CPNE3: variants seen among roughly 807,000 people sequenced by gnomAD.
CPNE3 encodes the protein copine 3.
CPNE3 carries 68 observed loss-of-function variants against 63.9 expected under a neutral mutation model. The ratio of observed to expected loss-of-function variants is 1.06; its 90% CI spans 0.87 to 1.30. The LOEUF (loss-of-function observed/expected upper bound fraction) is 1.30, where lower values mean the gene tolerates loss of function less well. Among genes scored for constraint, CPNE3 ranks in the 50% most tolerant of loss-of-function variants. CPNE3 has a pLI of 0.00. For missense variants in CPNE3, 665 were observed against 578.1 expected (o/e 1.15, Z -1.54); for synonymous variants, 219 against 197.5 (o/e 1.11, Z -0.91).
At chr8:86,528,713 A>G in intron 3 of CPNE3, 36 bp downstream of exon 3, 4 of 1,579,398 alleles carry the variant, frequency 2.5e-6, no homozygotes, top group Non-Finnish European at 3.4e-6. Context: ...AGTAATCTGA[A>G]TTACCCTTTT....
intron 6 of CPNE3, among the ~76,000 whole-genome samples, chr8:86,535,534 A>G (rs1820784457): frequency 6.6e-6 from 1 of 151,872 alleles, no homozygotes; most frequent in Non-Finnish European, 1.5e-5. Context: ...CGGTCATGGT[A>G]GCATGCACCT....
At chr8:86,532,909 C>A (rs1789143993) in intron 6 of CPNE3, among the ~76,000 whole-genome samples, 1 of 152,078 alleles carries the variant, frequency 6.6e-6, no homozygotes, top group African/African-American at 2.4e-5. Context: ...AATTATAGGT[C>A]AATTATCCTC....
intron 2 of CPNE3, among the ~76,000 whole-genome samples, chr8:86,519,294 C>G (rs1820381321): frequency 6.6e-6 from 1 of 152,160 alleles, no homozygotes. Flanking sequence ...AATGAAGGGT[C>G]TTTAGTTGAT....
chr8:86,516,448 G>T (rs1197361417), intron 2 of CPNE3, among the ~76,000 whole-genome samples: 1 of 152,086 alleles, frequency 6.6e-6, no homozygotes, highest in Non-Finnish European at 1.5e-5. Context: ...TATTTTCTAT[G>T]CTCTTTATGA....
rs1271002032 is a variant in CPNE3, at chr8:86,532,672, T to C, written c.459+92T>C. On this transcript the variant is annotated intron_variant, in intron 6 of 16. Coordinates refer to ENST00000517490, the MANE Select transcript of CPNE3 (RefSeq NM_003909.5). ...GCAGTTAATATCATGAACTCCATCATTGAGCATCACATAGGGTACTAGTTA... is the reference window on the plus strand; with the variant it reads ...GCAGTTAATATCATGAACTCCATCACTGAGCATCACATAGGGTACTAGTTA... The C allele has an allele frequency of 2.8e-5, 31 of 1,098,162 alleles. No homozygotes were observed. In the South Asian group the frequency reaches 3.1e-4, roughly 11 times the overall value. 68.0% of individuals were successfully genotyped at this position (1,098,162 alleles called of 1,614,324 possible). A position where few individuals can be genotyped will look rare whatever the true frequency, so the allele number is the denominator to read the frequency against.
chr8:86,552,978 C>G (rs868170250), intron 14 of CPNE3, among the ~76,000 whole-genome samples: 14 of 58,310 alleles, frequency 2.4e-4, no homozygotes, highest in Non-Finnish European at 5.1e-4. Context: ...CCCCCCCCCC[C>G]GCCCACAACC....
intron 6 of CPNE3, among the ~76,000 whole-genome samples, chr8:86,533,506 T>A (rs776944416): frequency 1.4e-4 from 22 of 151,828 alleles, no homozygotes; most frequent in Non-Finnish European, 7.4e-5. Flanking sequence ...ACCTGTGTAA[T>A]GGAACAAGAC....
intron 10 of CPNE3, among the ~76,000 whole-genome samples, chr8:86,546,999 G>A (rs776837959): frequency 6.6e-6 from 1 of 152,138 alleles, no homozygotes; most frequent in African/African-American, 2.4e-5. Flanking sequence ...GTGAGCCACC[G>A]CATCCGACCC....
intron 6 of CPNE3, among the ~76,000 whole-genome samples, chr8:86,533,309 G>A (rs1483652834): frequency 1.3e-5 from 2 of 152,064 alleles, no homozygotes; most frequent in Non-Finnish European, 2.9e-5. Context: ...TTGGGAGGCC[G>A]AGGTGGGGAG....
chr8:86,544,750 A>C lies in CPNE3; in HGVS notation c.644A>C (p.Tyr215Ser). The C allele has an allele frequency of 6.7e-7, 1 of 1,498,864 alleles. No homozygotes were observed. The highest frequency in any genetic ancestry group is 1.4e-5 in the South Asian group (1 of 71,438). 92.8% of individuals were successfully genotyped at this position (1,498,864 alleles called of 1,614,324 possible). Residue 215 changes from tyrosine (Y) to serine (S), a missense_variant, in exon 9 of 17, where the codon TAT (tyrosine) becomes TCT (serine). By Grantham distance (144) the Tyr-to-Ser change is moderately radical. Coordinates refer to ENST00000517490, the MANE Select transcript of CPNE3 (RefSeq NM_003909.5). ...TATATTTAATTTCAGGTGGAGTGTT[A>C]TGATTATGACAATGATGGGTCACAT... ...DMDKTIKVEC[Y>S]DYDNDGSHDL...
chr8:86,530,406 G>A (rs536806971), intron 4 of CPNE3, among the ~76,000 whole-genome samples: 3 of 152,224 alleles, frequency 2.0e-5, no homozygotes, highest in Non-Finnish European at 4.4e-5. Context: ...GTGGGCTCAA[G>A]CAATCCTCCC....
intron 2 of CPNE3, among the ~76,000 whole-genome samples, chr8:86,519,823 C>T (rs1314444388): frequency 6.6e-6 from 1 of 152,206 alleles, no homozygotes; most frequent in East Asian, 1.9e-4. Flanking sequence ...AAGCGATTCT[C>T]CTGCCTCAGC....
Position 86,551,110 on chromosome 8 carries a change from A to G in CPNE3, c.1068+10A>G. 6.2e-7 allele frequency: 1 copy of G among 1,613,010 alleles called. No homozygotes were observed. Among genetic ancestry groups the G allele is most frequent in the Middle Eastern group, 1.7e-4 (1 of 6,058 alleles). ...ACCTCCTCAGTGGCAGGTAAGAGGA[A>G]ATCTCTATTTTAAAGCTTTGCCTCC... is the stretch of plus-strand genomic sequence containing the variant. On this transcript the variant is annotated intron_variant, in intron 13 of 16. Transcript: ENST00000517490.
intron 12 of CPNE3, among the ~76,000 whole-genome samples, chr8:86,548,732 T>C (rs1363457537): frequency 6.6e-6 from 1 of 152,156 alleles, no homozygotes; most frequent in Non-Finnish European, 1.5e-5. Context: ...TTTAGTCTGG[T>C]TTCCTTGGGG....
intron 2 of CPNE3, among the ~76,000 whole-genome samples, chr8:86,527,840 C>T (rs559481444): frequency 1.3e-5 from 2 of 150,240 alleles, no homozygotes; most frequent in Non-Finnish European, 2.9e-5. Flanking sequence ...AAAAATAAAA[C>T]TTAATCTGTT....
chr8:86,553,460 A>G (rs891584827), intron 14 of CPNE3, among the ~76,000 whole-genome samples: 1 of 152,172 alleles, frequency 6.6e-6, no homozygotes, highest in Non-Finnish European at 1.5e-5. Flanking sequence ...TTAATATTTT[A>G]TTTTTACTGT....
In CPNE3 at chr8:86,558,576, G is replaced by C. The variant is rs910494776; in HGVS notation, c.*166G>C. 2 of 589,256 alleles carry C rather than the reference G, an allele frequency of 3.4e-6. No individual in the cohort carries two copies. The highest frequency in any genetic ancestry group is 5.6e-5 in the Admixed American group (2 of 35,756). The allele number at this position is 589,256 out of a possible 1,614,324, so 36.5% of individuals were successfully genotyped here. A position where few individuals can be genotyped will look rare whatever the true frequency, so the allele number is the denominator to read the frequency against. On this transcript the variant is annotated 3_prime_UTR_variant, in exon 17 of 17. Coordinates refer to ENST00000517490, the MANE Select transcript of CPNE3 (RefSeq NM_003909.5). ...CATTCTTTCTAGGTTATTTTGGGGG[G>C]ACAGTGCCAAGTCCATCTTTGCCCA...
chr8:86,537,264 C>T (rs907644553), intron 6 of CPNE3, among the ~76,000 whole-genome samples: 1 of 152,058 alleles, frequency 6.6e-6, no homozygotes, highest in Admixed American at 6.6e-5. Context: ...AAGGTGAAAA[C>T]AAGGCAAAAA....
chr8:86,547,149 G>A (rs933476178), intron 10 of CPNE3, among the ~76,000 whole-genome samples: 4 of 152,136 alleles, frequency 2.6e-5, no homozygotes, highest in Admixed American at 6.6e-5. Flanking sequence ...GAATCAAGTA[G>A]GGAAGAACAA....
Sources: allele counts gnomAD v4.1 joint callset (sites outside exome capture counted in the v4.1 genomes callset), GRCh38; gene constraint gnomAD v4.1.1; transcripts MANE v1.5; gene names NCBI Gene and HGNC (gene_info 2026-07-23, HGNC 2026-07-21).